ROBO1: variants seen among roughly 807,000 people sequenced by gnomAD.
ROBO1 encodes roundabout homolog 1.
ROBO1 carries 149 observed loss-of-function variants against 195.9 expected under a neutral mutation model. The observed-to-expected ratio is 0.76, with a 90% CI of 0.67 to 0.87. The LOEUF is 0.87. Ranked by LOEUF, ROBO1 falls within the 40% of genes least tolerant of loss-of-function variation. The pLI is 0.00. For synonymous variants in ROBO1, 816 were observed against 733.2 expected (o/e 1.11, Z -1.82); for missense variants, 1,933 against 2,068.3 (o/e 0.93, Z 1.27).
intron 2 of ROBO1, among the ~76,000 whole-genome samples, chr3:79,141,499 AC>A (rs1379229024): frequency 6.6e-6 from 1 of 151,490 alleles, no homozygotes; most frequent in African/African-American, 2.4e-5. Context: ...GTCGAGGCTT[AC>A]CCCCGATTCA....
At chr3:79,696,943 A>T (rs1219378870) in intron 1 of ROBO1, among the ~76,000 whole-genome samples, 1 of 151,550 alleles carries the variant, frequency 6.6e-6, no homozygotes, top group Non-Finnish European at 1.5e-5. Context: ...GAAAAAAATC[A>T]GACATAAATA....
chr3:79,365,162 C>T (rs951394589), intron 2 of ROBO1, among the ~76,000 whole-genome samples: 1 of 152,174 alleles, frequency 6.6e-6, no homozygotes, highest in Non-Finnish European at 1.5e-5. Flanking sequence ...CTATGCTTTA[C>T]TCCTTTCCTC....
chr3:78,838,384 T>A (rs2032917732), intron 4 of ROBO1, among the ~76,000 whole-genome samples: 1 of 152,230 alleles, frequency 6.6e-6, no homozygotes, highest in Non-Finnish European at 1.5e-5. Context: ...AAGCCTGTCT[T>A]TGTTTTGTGT....
At chr3:78,891,844 T>C (rs2036916998) in intron 4 of ROBO1, among the ~76,000 whole-genome samples, 1 of 152,166 alleles carries the variant, frequency 6.6e-6, no homozygotes, top group African/African-American at 2.4e-5. Context: ...CAAAATAGCA[T>C]AAACTAGTGA....
At chr3:78,673,673 C>T (rs953758837) in intron 10 of ROBO1, among the ~76,000 whole-genome samples, 1 of 140,634 alleles carries the variant, frequency 7.1e-6, no homozygotes, top group Admixed American at 7.5e-5. Flanking sequence ...TGAAAGACTT[C>T]AAAACCCGTC....
At position 79,198,788 on chromosome 3, in the gene ROBO1, C is replaced by G. The variant is rs550760306; in HGVS notation, c.89-73249G>C. On this transcript the variant is annotated intron_variant, in intron 2 of 30. Transcript: ENST00000464233. ...AAGTTGGATTCCTAGGTATTTTGTT[C>G]TCTTTGCAGCAATTGTGAATGGGAG... 4.1e-4 allele frequency among the ~76,000 whole-genome samples: 62 copies of G among 152,132 alleles called. No individual in the cohort carries two copies. The South Asian group carries it at 9.9e-3, about 24-fold the overall frequency.
intron 4 of ROBO1, among the ~76,000 whole-genome samples, chr3:78,856,100 A>C (rs545263451): frequency 6.6e-5 from 10 of 151,892 alleles, no homozygotes; most frequent in Admixed American, 4.6e-4. Context: ...TTCTAAAAGG[A>C]AGATCTATTT....
chr3:79,716,468 A>G (rs1702490158), intron 1 of ROBO1, among the ~76,000 whole-genome samples: 1 of 151,920 alleles, frequency 6.6e-6, no homozygotes, highest in African/African-American at 2.4e-5. Context: ...TTTCATTTTT[A>G]TTAATGGTGA....
At chr3:79,513,414 C>A (rs2107549184) in intron 2 of ROBO1, among the ~76,000 whole-genome samples, 1 of 151,770 alleles carries the variant, frequency 6.6e-6, no homozygotes, top group Non-Finnish European at 1.5e-5. Flanking sequence ...CAAGGAGCAG[C>A]AAGAGGGGAA....
chr3:79,550,164 AAAGG>A lies in ROBO1; in HGVS notation c.88+39656_88+39659del, dbSNP rs1559984195. Among the ~76,000 whole-genome samples the A allele has an allele frequency of 1.1e-3, 119 of 113,324 alleles. 2 individuals are homozygous for A. The highest frequency in any genetic ancestry group is 1.2e-3 in the Non-Finnish European group (70 of 56,792). The allele number at this position is 113,324 out of a possible 152,430, so 74.3% of individuals were successfully genotyped here. A position where few individuals can be genotyped will look rare whatever the true frequency, so the allele number is the denominator to read the frequency against. On this transcript the variant is annotated intron_variant, in intron 2 of 30. Transcript: ENST00000464233. ...AACAAAAAGAAAGGAAGAAAGAAAG[AAAGG>A]AAGAAAGAAAGAAAGAAAGAAAGAA...
intron 2 of ROBO1, among the ~76,000 whole-genome samples, chr3:79,536,892 T>C (rs1280015027): frequency 6.6e-6 from 1 of 152,178 alleles, no homozygotes. Context: ...TCTTCCAATG[T>C]GTAGTAAAGA....
intron 3 of ROBO1, among the ~76,000 whole-genome samples, chr3:79,077,451 A>G (rs6802137): frequency 0.96 from 145,258 of 151,918 alleles, 69,807 homozygotes; most frequent in East Asian, 1. Flanking sequence ...GTATGTAGAT[A>G]TACGGAATGA....
At chr3:79,633,630 A>G (rs1945411413) in intron 1 of ROBO1, among the ~76,000 whole-genome samples, 1 of 152,056 alleles carries the variant, frequency 6.6e-6, no homozygotes, top group Admixed American at 6.6e-5. Flanking sequence ...CCTCTTAAGC[A>G]TAATTCTGAC....
chr3:79,628,283 C>T (rs1348099958), intron 1 of ROBO1, among the ~76,000 whole-genome samples: 1 of 152,138 alleles, frequency 6.6e-6, no homozygotes, highest in Non-Finnish European at 1.5e-5. Context: ...GGTATATACA[C>T]CATGGAATAC....
In ROBO1 at chr3:78,631,164, T is replaced by G. The variant is rs2107505018; in HGVS notation, c.3623A>C (p.Glu1208Ala). The part of the protein sequence containing the change: ...NSEEYNISVD[E>A]SYDQEMPCPV... Reference sequence around the variant, plus strand: ...TCTGTTTGGATGCTCCTCTTACCTTTCATCTACAGAAATGTTGTACTCTTC... The same window carrying G: ...TCTGTTTGGATGCTCCTCTTACCTTGCATCTACAGAAATGTTGTACTCTTC... The change falls in exon 25 of 31, where the codon GAA becomes GCA. Residue 1208 changes from glutamate (E) to alanine (A), a missense_variant. By Grantham distance (107) the Glu-to-Ala change is moderately radical (BLOSUM62 -1). This residue lies in a region of ROBO1 where 1,737 missense variants were observed against 1,882.5 expected (regional missense o/e 0.92). Coordinates refer to ENST00000464233, the MANE Select transcript of ROBO1 (RefSeq NM_002941.4). The G allele has an allele frequency of 6.2e-7, 1 of 1,610,516 alleles. No individual in the cohort carries two copies. The highest frequency in any genetic ancestry group is 2.2e-5 in the East Asian group (1 of 44,714).
intron 1 of ROBO1, among the ~76,000 whole-genome samples, chr3:79,743,852 T>C (rs549516561): frequency 1.3e-5 from 2 of 152,296 alleles, no homozygotes; most frequent in African/African-American, 4.8e-5. Context: ...CTTGACCCAC[T>C]GGAAGGACTG....
chr3:79,358,147 ATTTC>A (rs1182439461), intron 2 of ROBO1, among the ~76,000 whole-genome samples: 1 of 152,094 alleles, frequency 6.6e-6, no homozygotes, highest in Non-Finnish European at 1.5e-5. Context: ...CTTTGCCTCA[ATTTC>A]TTTATCTATA....
chr3:79,178,866 G>T (rs571487089), intron 2 of ROBO1, among the ~76,000 whole-genome samples: 24 of 152,216 alleles, frequency 1.6e-4, no homozygotes, highest in Admixed American at 1.3e-3. Flanking sequence ...CAAAATCTAA[G>T]ACTATGGCAT....
intron 4 of ROBO1, among the ~76,000 whole-genome samples, chr3:78,899,865 G>T (rs2037479780): frequency 6.6e-6 from 1 of 152,170 alleles, no homozygotes; most frequent in South Asian, 2.1e-4. Context: ...TGATAGGTTA[G>T]CATTTGGAAC....
Sources: allele counts gnomAD v4.1 joint callset (sites outside exome capture counted in the v4.1 genomes callset), GRCh38; gene constraint gnomAD v4.1.1; regional missense constraint gnomAD v4.1.1; transcripts MANE v1.5; gene names NCBI Gene and HGNC (gene_info 2026-07-23, HGNC 2026-07-21).